Variants in PIAS1 observed in about 807,000 individuals in gnomAD.
PIAS1 encodes the protein protein inhibitor of activated STAT 1, also known as E3 SUMO-protein ligase PIAS1.
In PIAS1, 6 loss-of-function variants were observed where a neutral mutation model predicts 71.3. The ratio of observed to expected loss-of-function variants is 0.08; its 90% CI spans 0.05 to 0.17. The LOEUF (loss-of-function observed/expected upper bound fraction) is 0.17, where lower values mean the gene tolerates loss of function less well. Among genes scored for constraint, PIAS1 ranks in the 10% least tolerant of loss-of-function variants. The pLI is 1.00. For synonymous variants in PIAS1, 303 were observed against 292.9 expected (o/e 1.03, Z -0.35); for missense variants, 555 against 793.6 (o/e 0.70, Z 3.61).
At chr15:68,117,600 G>A (rs951483559) in intron 2 of PIAS1, among the ~76,000 whole-genome samples, 2 of 152,198 alleles carry the variant, frequency 1.3e-5, no homozygotes, top group African/African-American at 4.8e-5. Context: ...ACATGTGGAT[G>A]AAATCGTGAG....
chr15:68,182,461 T>TGTGTG (rs2093060154), intron 12 of PIAS1, among the ~76,000 whole-genome samples: 1 of 126,532 alleles, frequency 7.9e-6, no homozygotes, highest in Non-Finnish European at 1.7e-5. Context: ...TGTGTGTGTG[T>TGTGTG]CGGAGTTTTG....
At position 68,192,913 on chromosome 15, in the gene PIAS1, A is replaced by G. The variant is rs2093126857; in HGVS notation, c.*5078A>G. The stretch of plus-strand genomic sequence containing the variant: ...TTTTAGGACTGTGCTGGCACTACGA[A>G]TGATCCAGATTTGACAAGTGTATGG... On this transcript the variant is annotated 3_prime_UTR_variant, in exon 14 of 14. Transcript: ENST00000249636. 1.3e-5 allele frequency: 2 copies of G among 152,174 alleles called. No homozygotes were observed. Among genetic ancestry groups the G allele is most frequent in the African/African-American group, 4.8e-5 (2 of 41,426 alleles). 9.4% of individuals were successfully genotyped at this position (152,174 alleles called of 1,614,324 possible).
At chr15:68,155,766 CCT>C (rs1333252496) in intron 7 of PIAS1, among the ~76,000 whole-genome samples, 1 of 152,042 alleles carries the variant, frequency 6.6e-6, no homozygotes, top group Non-Finnish European at 1.5e-5. Flanking sequence ...AGAGTTGTCC[CCT>C]CACAACTATG....
intron 2 of PIAS1, among the ~76,000 whole-genome samples, chr15:68,088,726 T>TCTTCATAAA (rs1567035987): frequency 6.6e-6 from 1 of 152,162 alleles, no homozygotes; most frequent in African/African-American, 2.4e-5. Flanking sequence ...TTTATGTAAT[T>TCTTCATAAA]AGTCTTCAGG....
intron 11 of PIAS1, among the ~76,000 whole-genome samples, chr15:68,179,564 CTTTTTTTTTTTT>C (rs766344324): frequency 2.2e-4 from 9 of 40,106 alleles, no homozygotes; most frequent in South Asian, 1.5e-3. Context: ...GTGAAATGTT[CTTTTTTTTTTTT>C]TTTTTTTTTT....
intron 2 of PIAS1, among the ~76,000 whole-genome samples, chr15:68,106,470 A>G (rs1408206304): frequency 1.3e-5 from 2 of 152,224 alleles, no homozygotes; most frequent in Non-Finnish European, 2.9e-5. Context: ...GTGGTTTCCA[A>G]AAGTGAAATA....
chr15:68,160,337 A>G (rs1379451812), intron 7 of PIAS1, among the ~76,000 whole-genome samples: 1 of 152,134 alleles, frequency 6.6e-6, no homozygotes, highest in East Asian at 1.9e-4. Context: ...TAGATATCGA[A>G]ATATTCCAAC....
intron 2 of PIAS1, among the ~76,000 whole-genome samples, chr15:68,102,156 A>G (rs1207323013): frequency 6.6e-6 from 1 of 152,174 alleles, no homozygotes; most frequent in Non-Finnish European, 1.5e-5. Context: ...ATAAGGTGTG[A>G]GATTGAGATT....
At chr15:68,176,364 C>T in intron 10 of PIAS1, 110 bp from the exon 11 acceptor site, 2 of 603,146 alleles carry the variant, frequency 3.3e-6, no homozygotes, top group Non-Finnish European at 2.7e-6. Flanking sequence ...TACTCTCTGG[C>T]TCCAACAATA....
At chr15:68,132,612 G>A (rs2092695880) in intron 2 of PIAS1, among the ~76,000 whole-genome samples, 2 of 152,176 alleles carry the variant, frequency 1.3e-5, no homozygotes, top group Admixed American at 6.5e-5. Flanking sequence ...AGGTATAAAT[G>A]TTAGAAAGGA....
chr15:68,152,397 A>G (rs16951637), intron 6 of PIAS1, among the ~76,000 whole-genome samples: 1,646 of 152,262 alleles, frequency 0.011, 30 homozygotes, highest in African/African-American at 0.035. Context: ...TAAAAATATG[A>G]CCTTCCAGAG....
intron 2 of PIAS1, among the ~76,000 whole-genome samples, chr15:68,122,598 T>C (rs898888215): frequency 2.6e-5 from 4 of 152,362 alleles, no homozygotes; most frequent in Admixed American, 1.3e-4. Flanking sequence ...TAAAACACTT[T>C]ATAAATCCTA....
intron 11 of PIAS1, among the ~76,000 whole-genome samples, chr15:68,180,768 C>T (rs2093049217): frequency 6.6e-6 from 1 of 152,170 alleles, no homozygotes; most frequent in African/African-American, 2.4e-5. Context: ...GCTTCATTCC[C>T]TCTGTCTTAT....
At chr15:68,131,073 A>AC (rs1385825604) in intron 2 of PIAS1, among the ~76,000 whole-genome samples, 1 of 152,224 alleles carries the variant, frequency 6.6e-6, no homozygotes, top group Non-Finnish European at 1.5e-5. Context: ...GAATGACAGA[A>AC]CTGGGGTAAG....
At chr15:68,126,432 A>G (rs1015202862) in intron 2 of PIAS1, among the ~76,000 whole-genome samples, 24 of 152,050 alleles carry the variant, frequency 1.6e-4, no homozygotes, top group African/African-American at 5.1e-4. Context: ...TTTTTAAACA[A>G]TAACTAGTTA....
intron 2 of PIAS1, among the ~76,000 whole-genome samples, chr15:68,128,760 A>G (rs2092669928): frequency 6.6e-6 from 1 of 152,200 alleles, no homozygotes; most frequent in African/African-American, 2.4e-5. Context: ...ATTCCAACAA[A>G]TGGACGCAGT....
chr15:68,110,731 C>G (rs1355841399), intron 2 of PIAS1, among the ~76,000 whole-genome samples: 1 of 151,578 alleles, frequency 6.6e-6, no homozygotes, highest in Admixed American at 6.6e-5. Context: ...AGAGTGGGAC[C>G]CTGTCTCCAG....
chr15:68,096,246 T>TGAGG (rs1247963151), intron 2 of PIAS1, among the ~76,000 whole-genome samples: 3 of 152,152 alleles, frequency 2.0e-5, no homozygotes, highest in African/African-American at 7.2e-5. Context: ...TATGTATGTG[T>TGAGG]GAGGGTTTGT....
chr15:68,113,804 T>TA (rs1271361652), intron 2 of PIAS1, among the ~76,000 whole-genome samples: 1 of 152,152 alleles, frequency 6.6e-6, no homozygotes, highest in Non-Finnish European at 1.5e-5. Flanking sequence ...CAAAGGGTTT[T>TA]ACAGTGCTAA....
Sources: allele counts gnomAD v4.1 joint callset (sites outside exome capture counted in the v4.1 genomes callset), GRCh38; gene constraint gnomAD v4.1.1; transcripts MANE v1.5; gene names NCBI Gene and HGNC (gene_info 2026-07-23, HGNC 2026-07-21).